COL17A1: variants seen among roughly 807,000 people sequenced by gnomAD.
The protein encoded by COL17A1 is collagen alpha-1(XVII) chain.
COL17A1 carries 181 observed loss-of-function variants against 218.4 expected under a neutral mutation model. The ratio of observed to expected loss-of-function variants is 0.83; its 90% CI spans 0.73 to 0.94. The LOEUF is 0.94. Among genes scored for constraint, COL17A1 ranks in the 40% least tolerant of loss-of-function variants. COL17A1 has a pLI of 0.00. For missense variants in COL17A1, 1,924 were observed against 1,945.9 expected (o/e 0.99, Z 0.21); for synonymous variants, 721 against 731.0 (o/e 0.99, Z 0.22).
At chr10:104,039,792 A>G (rs2086339894) in intron 41 of COL17A1, 152 bp from the exon 42 acceptor site, 7 of 855,458 alleles carry the variant, frequency 8.2e-6, no homozygotes, top group African/African-American at 2.5e-5. Flanking sequence ...ACACACACAC[A>G]CACGCACACG....
chr10:104,052,769 C>T (rs1186490041), intron 23 of COL17A1, among the ~76,000 whole-genome samples: 3 of 152,306 alleles, frequency 2.0e-5, no homozygotes, highest in Non-Finnish European at 4.4e-5. Flanking sequence ...CACCCAACTC[C>T]AGGAAGGCCA....
At chr10:104,048,354 T>C (rs1417582442) in intron 29 of COL17A1, among the ~76,000 whole-genome samples, 2 of 152,230 alleles carry the variant, frequency 1.3e-5, no homozygotes, top group Non-Finnish European at 2.9e-5. Flanking sequence ...AGCGCCTCGA[T>C]GCTCAATGCT....
chr10:104,038,075 T>C (rs760202690), intron 45 of COL17A1, among the ~76,000 whole-genome samples: 2 of 152,164 alleles, frequency 1.3e-5, no homozygotes, highest in Non-Finnish European at 2.9e-5. Context: ...CATGTGCGTG[T>C]AGGGGATGAG....
At chr10:104,043,466 T>G in intron 35 of COL17A1, 35 bp downstream of exon 35, 2 of 1,586,126 alleles carry the variant, frequency 1.3e-6, no homozygotes, top group Non-Finnish European at 1.7e-6. Flanking sequence ...CAAGACCTAT[T>G]GCTGATTTGG....
At chr10:104,044,004 G>A (rs755593136) in intron 33 of COL17A1, 144 bp from the exon 34 acceptor site, 6 of 885,570 alleles carry the variant, frequency 6.8e-6, no homozygotes, top group South Asian at 2.7e-5. Flanking sequence ...ATGAACTGAA[G>A]GAAGGCAAGC....
intron 11 of COL17A1, chr10:104,063,390 A>C (rs2086599446): frequency 6.1e-6 from 2 of 327,906 alleles, no homozygotes; most frequent in Admixed American, 4.1e-5. Context: ...AATGAATTCT[A>C]TTTTTCTTTA....
intron 38 of COL17A1, 47 bp downstream of exon 38, chr10:104,041,256 C>T: frequency 1.3e-6 from 2 of 1,599,470 alleles, no homozygotes; most frequent in African/African-American, 1.3e-5. Context: ...TTGCTACCCA[C>T]CTCTCACCTC....
intron 48 of COL17A1, among the ~76,000 whole-genome samples, chr10:104,036,061 GGA>G: frequency 2.8e-5 from 1 of 35,540 alleles, no homozygotes; most frequent in Non-Finnish European, 6.2e-5. Flanking sequence ...TGTGTGTATG[GGA>G]GTATGTGTAT....
At chr10:104,040,610 A>G (rs12357657) in intron 39 of COL17A1, among the ~76,000 whole-genome samples, 200 bp from the exon 40 acceptor site, 1 of 150,382 alleles carries the variant, frequency 6.6e-6, no homozygotes, top group Non-Finnish European at 1.5e-5. Flanking sequence ...AGGTGGATGG[A>G]TGGATGGATG....
chr10:104,049,931 G>C (rs191924816), intron 28 of COL17A1, among the ~76,000 whole-genome samples, 158 bp downstream of exon 28: 17 of 152,260 alleles, frequency 1.1e-4, no homozygotes, highest in Non-Finnish European at 1.0e-4. Context: ...CTCCACTCCA[G>C]GCTTTATTTT....
In COL17A1 at chr10:104,052,201, T is replaced by C; in HGVS notation, c.1956A>G (p.Pro652=). ...EKGERGAAGE[P]GPHGPPGVPG... Reference sequence around the variant, plus strand: ...GGACACCAGGTGGGCCATGAGGACCTGGTTCACCAGCAGCCCCTGAGGAGA... The same window carrying C: ...GGACACCAGGTGGGCCATGAGGACCCGGTTCACCAGCAGCCCCTGAGGAGA... Residue 652 remains proline, a synonymous_variant, in exon 24 of 56, where the codon CCA becomes CCG. Coordinates refer to ENST00000648076, the MANE Select transcript of COL17A1 (RefSeq NM_000494.4). 1 of 1,614,156 alleles carries C rather than the reference T, an allele frequency of 6.2e-7. No homozygotes were observed. The highest frequency in any genetic ancestry group is 8.5e-7 in the Non-Finnish European group (1 of 1,180,002).
intron 41 of COL17A1, 133 bp from the exon 42 acceptor site, chr10:104,039,773 C>G: frequency 1.0e-6 from 1 of 970,868 alleles, no homozygotes. Flanking sequence ...ATGCCACACA[C>G]ACACACACAC....
intron 29 of COL17A1, 160 bp from the exon 30 acceptor site, chr10:104,048,264 C>G: frequency 1.3e-6 from 1 of 791,858 alleles, no homozygotes; most frequent in South Asian, 1.3e-5. Context: ...GGATACGGTA[C>G]TCCCACTGCC....
chr10:104,071,826 C>A (rs2086671279), intron 8 of COL17A1, among the ~76,000 whole-genome samples: 1 of 152,132 alleles, frequency 6.6e-6, no homozygotes, highest in Non-Finnish European at 1.5e-5. Flanking sequence ...ACAGCAGGAA[C>A]CACGGTTTAC....
rs1260824263 is a variant in COL17A1 at position 104,057,822 on chromosome 10, T to C, written c.1267+324A>G. 2.0e-5 allele frequency among the ~76,000 whole-genome samples: 3 copies of C among 152,070 alleles called. No individual in the cohort carries two copies. In the East Asian group the frequency reaches 5.8e-4, roughly 29 times the overall value. ...TGGAGGCGTGCATGGCTTAGTCTCT[T>C]CTTGAGCTGCTGTGTAAAGACACAG... On this transcript the variant is annotated intron_variant, in intron 16 of 55. Transcript: ENST00000648076.
Position 104,051,506 on chromosome 10 carries a change from G to A in COL17A1, c.2013C>T (p.Gly671=). 1 of 1,614,100 alleles carries A rather than the reference G, an allele frequency of 6.2e-7. No homozygotes were observed. The highest frequency in any genetic ancestry group is 8.5e-7 in the Non-Finnish European group (1 of 1,180,034). Residue 671 remains glycine (G), a synonymous_variant, in exon 25 of 56, where the codon GGC becomes GGT. Coordinates refer to ENST00000648076, the MANE Select transcript of COL17A1 (RefSeq NM_000494.4). Reference sequence around the variant, plus strand: ...CTGGAGGGCCCTGTGGGCCAGGAGAGCCGCTGGAACCTGAGAAGGAGGACA... The same window carrying A: ...CTGGAGGGCCCTGTGGGCCAGGAGAACCGCTGGAACCTGAGAAGGAGGACA... ...PGSVGPKGSS[G]SPGPQGPPGP... is the part of the protein sequence containing the mutation.
intron 2 of COL17A1, among the ~76,000 whole-genome samples, chr10:104,079,367 G>A (rs1191730666): frequency 6.6e-6 from 1 of 152,150 alleles, no homozygotes; most frequent in African/African-American, 2.4e-5. Context: ...ATGCATGCAT[G>A]CATGTGTGTA....
chr10:104,045,902 A>G (rs1325235093), intron 32 of COL17A1, 109 bp from the exon 33 acceptor site: 1 of 918,020 alleles, frequency 1.1e-6, no homozygotes. Flanking sequence ...TGCTGACTGA[A>G]ACCCTGGGAC....
intron 28 of COL17A1, among the ~76,000 whole-genome samples, 192 bp downstream of exon 28, chr10:104,049,897 T>G (rs2134604044): frequency 6.6e-6 from 1 of 152,360 alleles, no homozygotes; most frequent in East Asian, 1.9e-4. Flanking sequence ...CTGTTTGGAC[T>G]ATACATCTGG....
Sources: allele counts gnomAD v4.1 joint callset (sites outside exome capture counted in the v4.1 genomes callset), GRCh38; gene constraint gnomAD v4.1.1; transcripts MANE v1.5; gene names NCBI Gene and HGNC (gene_info 2026-07-23, HGNC 2026-07-21).